NUFIP1: variants seen among roughly 807,000 people sequenced by gnomAD.
NUFIP1 encodes the protein FMR1-interacting protein NUFIP1.
Under a neutral mutation model 56.2 loss-of-function variants are expected in NUFIP1, and 38 were observed. The observed-to-expected ratio is 0.68, with a 90% confidence interval of 0.52 to 0.89. NUFIP1 has a LOEUF of 0.89. Among genes scored for constraint, NUFIP1 ranks in the 40% least tolerant of loss-of-function variants. The pLI, the probability that NUFIP1 is intolerant of heterozygous loss-of-function variation, is 0.00. For synonymous variants in NUFIP1, 215 were observed against 212.4 expected (o/e 1.01, Z -0.10); for missense variants, 567 against 605.8 (o/e 0.94, Z 0.67).
At chr13:44,946,004 C>G (rs1019947355) in intron 8 of NUFIP1, among the ~76,000 whole-genome samples, 1 of 152,088 alleles carries the variant, frequency 6.6e-6, no homozygotes, top group African/African-American at 2.4e-5. Flanking sequence ...CTAGTTCCAT[C>G]ATTTACTAGC....
intron 1 of NUFIP1, among the ~76,000 whole-genome samples, chr13:44,984,361 C>T (rs117011741): frequency 2.0e-5 from 3 of 152,272 alleles, no homozygotes; most frequent in Non-Finnish European, 4.4e-5. Context: ...ACTGTTTGGG[C>T]CAGGTGTGAT....
At chr13:44,962,847 A>G (rs750955483) in intron 6 of NUFIP1, among the ~76,000 whole-genome samples, 5 of 152,210 alleles carry the variant, frequency 3.3e-5, no homozygotes, top group African/African-American at 7.2e-5. Flanking sequence ...ACAAATACTT[A>G]GCATTGTGTT....
chr13:44,973,625 T>C (rs1871876872), intron 5 of NUFIP1, among the ~76,000 whole-genome samples: 1 of 152,096 alleles, frequency 6.6e-6, no homozygotes, highest in African/African-American at 2.4e-5. Flanking sequence ...AAGACACATA[T>C]GCAAAGAAGT....
chr13:44,975,026 A>T (rs1418225021), intron 5 of NUFIP1, among the ~76,000 whole-genome samples: 9 of 152,234 alleles, frequency 5.9e-5, no homozygotes, highest in Non-Finnish European at 1.2e-4. Flanking sequence ...TTCCATCGCA[A>T]TCTGCACTGC....
intron 5 of NUFIP1, among the ~76,000 whole-genome samples, chr13:44,969,626 T>C (rs1361935433): frequency 6.6e-6 from 1 of 152,204 alleles, no homozygotes; most frequent in Admixed American, 6.5e-5. Context: ...CCTGAAACTA[T>C]GCTCTTTTCC....
At chr13:44,983,817 G>A (rs1473536633) in intron 1 of NUFIP1, among the ~76,000 whole-genome samples, 4 of 152,074 alleles carry the variant, frequency 2.6e-5, no homozygotes, top group Non-Finnish European at 2.9e-5. Flanking sequence ...AATAATAAAG[G>A]ATGAGTTTGA....
intron 8 of NUFIP1, among the ~76,000 whole-genome samples, chr13:44,947,725 G>T (rs1870945461): frequency 6.6e-6 from 1 of 152,142 alleles, no homozygotes. Flanking sequence ...ATGGGATTCT[G>T]TAATTCTGGT....
intron 6 of NUFIP1, among the ~76,000 whole-genome samples, chr13:44,961,650 T>G (rs1042851300): frequency 3.3e-5 from 5 of 152,186 alleles, no homozygotes; most frequent in Admixed American, 6.5e-5. Flanking sequence ...CCTATGTCCA[T>G]CCACAGATGT....
chr13:44,955,709 T>C (rs1871207032), intron 7 of NUFIP1, among the ~76,000 whole-genome samples: 1 of 152,036 alleles, frequency 6.6e-6, no homozygotes, highest in African/African-American at 2.4e-5. Flanking sequence ...AAACATATAT[T>C]GGAGAGTGGA....
intron 6 of NUFIP1, among the ~76,000 whole-genome samples, chr13:44,961,310 A>G (rs1470508975): frequency 6.6e-6 from 1 of 152,176 alleles, no homozygotes; most frequent in Non-Finnish European, 1.5e-5. Flanking sequence ...CTAAATCTCA[A>G]CTTTGTCAGT....
At chr13:44,980,859 A>G in intron 2 of NUFIP1, 39 bp from the exon 3 acceptor site, 1 of 1,293,488 alleles carries the variant, frequency 7.7e-7, no homozygotes. Flanking sequence ...CTTTTGGTGA[A>G]AAATCTGTAA....
intron 8 of NUFIP1, among the ~76,000 whole-genome samples, chr13:44,948,558 A>G (rs922044090): frequency 1.3e-5 from 2 of 152,214 alleles, no homozygotes; most frequent in Non-Finnish European, 2.9e-5. Flanking sequence ...CATAGACATG[A>G]ATTTTCTCAC....
chr13:44,972,396 G>A (rs1871834825), intron 5 of NUFIP1, among the ~76,000 whole-genome samples: 1 of 152,178 alleles, frequency 6.6e-6, no homozygotes, highest in Non-Finnish European at 1.5e-5. Context: ...AAGTGAGTCA[G>A]ACTAAAAAGG....
chr13:44,982,125 C>CAT lies in NUFIP1; in HGVS notation c.440_441dup (p.Asp148MetfsTer56), dbSNP rs1316927139. 1.3e-6 allele frequency: 2 copies of CAT among 1,492,296 alleles called. No homozygotes were observed. Among genetic ancestry groups the CAT allele is most frequent in the African/African-American group, 2.9e-5 (2 of 70,064 alleles). 92.4% of individuals were successfully genotyped at this position (1,492,296 alleles called of 1,614,324 possible). Reference sequence around the variant, plus strand: ...AAGCTGAAGTCTGTGAATTTTGCATCATACTTTCGTGGATAATAAGAATTT... The same window carrying CAT: ...AAGCTGAAGTCTGTGAATTTTGCATCATATACTTTCGTGGATAATAAGAATTT... On this transcript the variant is annotated frameshift_variant, in exon 2 of 10. Coordinates refer to ENST00000379161, the MANE Select transcript of NUFIP1 (RefSeq NM_012345.3). LOFTEE classifies it high-confidence loss of function.
At chr13:44,961,157 C>A (rs533817857) in intron 6 of NUFIP1, among the ~76,000 whole-genome samples, 1 of 151,888 alleles carries the variant, frequency 6.6e-6, no homozygotes, top group Non-Finnish European at 1.5e-5. Flanking sequence ...AAAAAGGTTC[C>A]TTCATAGTAG....
chr13:44,958,229 C>A (rs1871309389), intron 7 of NUFIP1, among the ~76,000 whole-genome samples: 1 of 152,146 alleles, frequency 6.6e-6, no homozygotes, highest in Non-Finnish European at 1.5e-5. Context: ...AGCAGAATGA[C>A]TAAGATAAAC....
intron 2 of NUFIP1, among the ~76,000 whole-genome samples, 181 bp from the exon 3 acceptor site, chr13:44,981,001 T>C (rs1872169940): frequency 6.6e-6 from 1 of 152,254 alleles, no homozygotes; most frequent in African/African-American, 2.4e-5. Flanking sequence ...TCATTTTGTT[T>C]TTAACAAATA....
chr13:44,985,775 G>C (rs953591993), intron 1 of NUFIP1, among the ~76,000 whole-genome samples: 3 of 152,132 alleles, frequency 2.0e-5, no homozygotes, highest in Non-Finnish European at 2.9e-5. Flanking sequence ...CCTCTGAGAC[G>C]CAATATTCAA....
At chr13:44,982,851 T>A (rs533369308) in intron 1 of NUFIP1, among the ~76,000 whole-genome samples, 3 of 151,962 alleles carry the variant, frequency 2.0e-5, no homozygotes, top group Non-Finnish European at 4.4e-5. Context: ...TACAAAAAAA[T>A]TTAAAAATTA....
Sources: allele counts gnomAD v4.1 joint callset (sites outside exome capture counted in the v4.1 genomes callset), GRCh38; gene constraint gnomAD v4.1.1; transcripts MANE v1.5; gene names NCBI Gene and HGNC (gene_info 2026-07-23, HGNC 2026-07-21).